HMGCLL1: variants seen among roughly 807,000 people sequenced by gnomAD.
HMGCLL1 encodes the protein 3-hydroxymethyl-3-methylglutaryl-CoA lyase, cytoplasmic.
Under a neutral mutation model 39.1 loss-of-function variants are expected in HMGCLL1, and 36 were observed. That is an observed-to-expected ratio of 0.92 (90% CI 0.71 to 1.22). The LOEUF (loss-of-function observed/expected upper bound fraction) is 1.22, where lower values mean the gene tolerates loss of function less well. HMGCLL1 is among the 50% of genes most tolerant of loss of function. The probability of loss-of-function intolerance (pLI) is 0.00; values close to 1 mark genes in which losing one functional copy is unlikely to be tolerated. For synonymous variants in HMGCLL1, 149 were observed against 144.0 expected (o/e 1.03, Z -0.25); for missense variants, 451 against 416.5 (o/e 1.08, Z -0.72).
chr6:55,658,207 C>T, the HMGCLL1 span, among the ~76,000 whole-genome samples: 4 of 151,796 alleles, frequency 2.6e-5, no homozygotes, highest in Non-Finnish European at 2.9e-5. Flanking sequence ...ATCAAAATGC[C>T]ATCTGGACTT....
intron 3 of HMGCLL1, among the ~76,000 whole-genome samples, chr6:55,536,021 C>T (rs761292400): frequency 4.6e-5 from 7 of 152,126 alleles, no homozygotes; most frequent in East Asian, 1.9e-4. Flanking sequence ...ATCTCATCAA[C>T]GTAAATCTGA....
chr6:55,594,318 T>C, the HMGCLL1 span, among the ~76,000 whole-genome samples: 2 of 152,310 alleles, frequency 1.3e-5, no homozygotes, highest in South Asian at 4.1e-4. Context: ...GTCCCAGTTT[T>C]CCTGGTTCAG....
At chr6:55,547,527 T>G (rs1446736549) in intron 1 of HMGCLL1, among the ~76,000 whole-genome samples, 1 of 151,736 alleles carries the variant, frequency 6.6e-6, no homozygotes, top group African/African-American at 2.4e-5. Context: ...ATGCACTTCA[T>G]TTCTTGAGAA....
chr6:55,524,566 C>T (rs1309945656), intron 3 of HMGCLL1, among the ~76,000 whole-genome samples: 1 of 151,362 alleles, frequency 6.6e-6, no homozygotes, highest in Non-Finnish European at 1.5e-5. Flanking sequence ...CAGATCTCAC[C>T]CAGAGACAGA....
intron 3 of HMGCLL1, among the ~76,000 whole-genome samples, chr6:55,525,108 G>C (rs1768249125): frequency 1.3e-5 from 2 of 151,744 alleles, no homozygotes; most frequent in African/African-American, 4.8e-5. Flanking sequence ...TTCAAAGACA[G>C]CTCTGCCACT....
chr6:55,675,893 A>C, the HMGCLL1 span, among the ~76,000 whole-genome samples: 1 of 152,142 alleles, frequency 6.6e-6, no homozygotes, highest in African/African-American at 2.4e-5. Context: ...ACACAAAATA[A>C]AATAGGAATG....
In HMGCLL1 at chr6:55,533,388, G is replaced by A. The variant is rs1314905837; in HGVS notation, c.297+8341C>T. 4.6e-5 allele frequency among the ~76,000 whole-genome samples: 7 copies of A among 151,610 alleles called. No homozygotes were observed. The East Asian group carries it at 9.7e-4, about 21-fold the overall frequency. ...GCAAATTTAGAGAAACATTTAACAC[G>A]GCAACTTAAAATAATTCTGGGTGTT... is the stretch of plus-strand genomic sequence containing the variant. On this transcript the variant is annotated intron_variant, in intron 3 of 8. Transcript: ENST00000274901.
At chr6:55,510,052 GA>G (rs201980700) in intron 5 of HMGCLL1, among the ~76,000 whole-genome samples, 2,197 of 151,774 alleles carry the variant, frequency 0.014, 31 homozygotes, top group Non-Finnish European at 0.025. Context: ...TCTATTAGTT[GA>G]AAAAAATTCA....
At chr6:55,489,244 C>G (rs575935958) in intron 7 of HMGCLL1, among the ~76,000 whole-genome samples, 3 of 152,026 alleles carry the variant, frequency 2.0e-5, no homozygotes, top group Non-Finnish European at 4.4e-5. Flanking sequence ...CATGGCGCAA[C>G]AAGAAAATTT....
chr6:55,639,833 C>T, the HMGCLL1 span, among the ~76,000 whole-genome samples: 3 of 152,042 alleles, frequency 2.0e-5, no homozygotes, highest in Non-Finnish European at 4.4e-5. Context: ...AATCCCAACA[C>T]TTTAGGAGGC....
the HMGCLL1 span, among the ~76,000 whole-genome samples, chr6:55,659,726 T>A: frequency 2.6e-5 from 4 of 151,896 alleles, no homozygotes; most frequent in African/African-American, 9.7e-5. Context: ...CAGACATGTA[T>A]CTTTGTTCTT....
chr6:55,633,845 T>C, the HMGCLL1 span, among the ~76,000 whole-genome samples: 1 of 152,052 alleles, frequency 6.6e-6, no homozygotes, highest in African/African-American at 2.4e-5. Context: ...AACTAAAGAA[T>C]AGATATGAGA....
intron 5 of HMGCLL1, 31 bp downstream of exon 5, chr6:55,514,017 C>A: frequency 1.3e-6 from 2 of 1,598,424 alleles, no homozygotes; most frequent in South Asian, 1.1e-5. Context: ...TAAACATTAA[C>A]AAAACAGAAT....
the HMGCLL1 span, among the ~76,000 whole-genome samples, chr6:55,623,192 A>C: frequency 6.6e-6 from 1 of 151,776 alleles, no homozygotes; most frequent in Admixed American, 6.6e-5. Flanking sequence ...ATCTTTTCCC[A>C]AAAAAACTTT....
At chr6:55,619,623 G>T in the HMGCLL1 span, among the ~76,000 whole-genome samples, 1 of 151,986 alleles carries the variant, frequency 6.6e-6, no homozygotes. Context: ...TGATACAGGC[G>T]TACTATGTAT....
At chr6:55,467,328 T>C (rs1393488336) in intron 7 of HMGCLL1, among the ~76,000 whole-genome samples, 3 of 152,108 alleles carry the variant, frequency 2.0e-5, no homozygotes, top group Admixed American at 2.0e-4. Flanking sequence ...TTTTCATGTT[T>C]TTTTGCAAAT....
At chr6:55,621,864 A>G in the HMGCLL1 span, among the ~76,000 whole-genome samples, 1 of 151,734 alleles carries the variant, frequency 6.6e-6, no homozygotes, top group Non-Finnish European at 1.5e-5. Context: ...GTTATACATG[A>G]CTTTTATTTT....
chr6:55,653,568 C>T, the HMGCLL1 span, among the ~76,000 whole-genome samples: 7 of 151,924 alleles, frequency 4.6e-5, no homozygotes, highest in Non-Finnish European at 8.8e-5. Flanking sequence ...CTAAAATAGA[C>T]AAAGTCAATC....
In HMGCLL1 at chr6:55,545,444, G is replaced by A. The variant is rs927308541; in HGVS notation, c.109-3304C>T. ...CTTGACATTGTTTTTGATTCCTCTT[G>A]AATCTAATGTTACTATTTAGTCTTT... On this transcript the variant is annotated intron_variant, in intron 1 of 8. Transcript: ENST00000274901. 3.3e-5 allele frequency among the ~76,000 whole-genome samples: 5 copies of A among 152,174 alleles called. No homozygotes were observed. The South Asian group carries it at 1.0e-3, about 32-fold the overall frequency.
Sources: gnomAD v4.1 joint callset for allele counts (sites outside exome capture counted in the v4.1 genomes callset) on GRCh38, gnomAD v4.1.1 for gene constraint, MANE v1.5 for transcripts, NCBI Gene and HGNC (gene_info 2026-07-23, HGNC 2026-07-21) for gene names.